The following NLGN1 variants were observed in gnomAD, a reference collection of about 807,000 sequenced individuals.
The protein encoded by NLGN1 is neuroligin 1, also known as neuroligin-1.
NLGN1 carries 12 observed loss-of-function variants against 65.5 expected under a neutral mutation model. The observed-to-expected ratio is 0.18, with a 90% confidence interval of 0.12 to 0.30. NLGN1 has a LOEUF of 0.30. Ranked by LOEUF, NLGN1 falls within the 10% of genes least tolerant of loss-of-function variation. The pLI is 1.00. For missense variants in NLGN1, 750 were observed against 1,007.1 expected (o/e 0.74, Z 3.46); for synonymous variants, 350 against 359.5 (o/e 0.97, Z 0.30).
At chr3:173,535,698 G>A (rs914271653) in intron 2 of NLGN1, among the ~76,000 whole-genome samples, 22 of 151,986 alleles carry the variant, frequency 1.4e-4, no homozygotes, top group Admixed American at 3.3e-4. Context: ...TTTTAATAAT[G>A]GATTTATACA....
chr3:173,748,259 A>AT (rs1416569172), intron 3 of NLGN1, among the ~76,000 whole-genome samples: 1 of 152,130 alleles, frequency 6.6e-6, no homozygotes, highest in East Asian at 1.9e-4. Context: ...TGGAAGATAG[A>AT]TAACAGTTGA....
intron 4 of NLGN1, among the ~76,000 whole-genome samples, chr3:174,085,459 A>G (rs533252385): frequency 6.6e-6 from 1 of 152,026 alleles, no homozygotes; most frequent in Non-Finnish European, 1.5e-5. Flanking sequence ...ATTCTTACCC[A>G]TTAGTCTTAT....
intron 2 of NLGN1, among the ~76,000 whole-genome samples, chr3:173,547,449 C>T (rs370158606): frequency 6.6e-6 from 1 of 152,086 alleles, no homozygotes; most frequent in Non-Finnish European, 1.5e-5. Context: ...GCCTGGGTTT[C>T]CCTGAAGGGT....
chr3:173,658,076 G>T (rs1057490913), intron 3 of NLGN1, among the ~76,000 whole-genome samples: 1 of 151,884 alleles, frequency 6.6e-6, no homozygotes, highest in African/African-American at 2.4e-5. Flanking sequence ...TGTAACTTTC[G>T]TATGGTAGTT....
rs762439206 is a variant in NLGN1, at chr3:173,685,823, T to C, written c.493+80732T>C. The stretch of plus-strand genomic sequence containing the variant: ...ACAATGAGAGGGTTGAATGTGAATA[T>C]GGAGATATCATTTACTATTCTTCAA... On this transcript the variant is annotated intron_variant, in intron 3 of 6. Transcript: ENST00000457714. 796 of 982,024 alleles carry C rather than the reference T, an allele frequency of 8.1e-4. 1 individual carries two copies. Among genetic ancestry groups the C allele is most frequent in the Non-Finnish European group, 8.8e-4 (728 of 826,932 alleles). 60.8% of individuals were successfully genotyped at this position (982,024 alleles called of 1,614,324 possible). A position where few individuals can be genotyped will look rare whatever the true frequency, so the allele number is the denominator to read the frequency against.
At chr3:173,498,483 T>A (rs1008677636) in intron 2 of NLGN1, among the ~76,000 whole-genome samples, 4 of 151,864 alleles carry the variant, frequency 2.6e-5, no homozygotes, top group South Asian at 4.1e-4. Context: ...TTCCAAGTCT[T>A]TACTATTGTG....
At chr3:173,820,752 G>T (rs1219372674) in intron 4 of NLGN1, among the ~76,000 whole-genome samples, 1 of 152,114 alleles carries the variant, frequency 6.6e-6, no homozygotes, top group Non-Finnish European at 1.5e-5. Context: ...TTGACCAGAG[G>T]TAACCGGAGA....
At chr3:174,021,608 T>C (rs1422580527) in intron 4 of NLGN1, among the ~76,000 whole-genome samples, 2 of 152,032 alleles carry the variant, frequency 1.3e-5, no homozygotes, top group Non-Finnish European at 2.9e-5. Context: ...AGAAAGGCAG[T>C]TCCTCTCTGT....
In NLGN1 at chr3:173,804,281, G is replaced by GAGTT. The variant is rs1716131473; in HGVS notation, c.494-3395_494-3392dup. On this transcript the variant is annotated intron_variant, in intron 3 of 6. Transcript: ENST00000457714. ...AAACATTTGTACTTTTACTGGAACT[G>GAGTT]AGTTAGTATTTTAAAATTTCTGAGT... 2.0e-5 allele frequency among the ~76,000 whole-genome samples: 3 copies of GAGTT among 152,060 alleles called. No individual in the cohort carries two copies. In the South Asian group the frequency reaches 6.2e-4, roughly 32 times the overall value.
At chr3:173,591,229 T>C (rs951897720) in intron 2 of NLGN1, among the ~76,000 whole-genome samples, 1 of 152,214 alleles carries the variant, frequency 6.6e-6, no homozygotes, top group Non-Finnish European at 1.5e-5. Flanking sequence ...TATATTGATA[T>C]ACTATTTGTG....
At chr3:173,980,438 A>G (rs1253945085) in intron 4 of NLGN1, among the ~76,000 whole-genome samples, 1 of 152,040 alleles carries the variant, frequency 6.6e-6, no homozygotes, top group Admixed American at 6.6e-5. Context: ...ACTGCAGAAA[A>G]TGTCACTGGG....
intron 2 of NLGN1, among the ~76,000 whole-genome samples, chr3:173,504,129 A>C (rs1481934515): frequency 6.6e-6 from 1 of 152,104 alleles, no homozygotes; most frequent in Non-Finnish European, 1.5e-5. Context: ...GAAGATTTAG[A>C]AAAATGTCAA....
intron 4 of NLGN1, among the ~76,000 whole-genome samples, chr3:174,090,473 AAAAAAAG>A (rs1744304777): frequency 2.0e-5 from 3 of 152,212 alleles, no homozygotes; most frequent in Admixed American, 6.5e-5. Context: ...ACTCTGTCTC[AAAAAAAG>A]AAAAAAGAAA....
chr3:173,675,880 C>G (rs1410079894), intron 3 of NLGN1, among the ~76,000 whole-genome samples: 1 of 140,464 alleles, frequency 7.1e-6, no homozygotes, highest in Non-Finnish European at 1.6e-5. Context: ...CTCTCTCTCT[C>G]TCTCTCTCAC....
chr3:173,657,707 C>G (rs1386964473), intron 3 of NLGN1, among the ~76,000 whole-genome samples: 1 of 151,662 alleles, frequency 6.6e-6, no homozygotes, highest in African/African-American at 2.4e-5. Context: ...ATCATCCCAC[C>G]CACTCCAAAG....
intron 4 of NLGN1, among the ~76,000 whole-genome samples, chr3:174,018,547 C>T (rs1038700464): frequency 7.2e-5 from 11 of 152,168 alleles, no homozygotes; most frequent in Admixed American, 3.3e-4. Context: ...TGGCTTCAGC[C>T]GGTCCCTTCG....
At chr3:173,911,178 A>C (rs1006743850) in intron 4 of NLGN1, among the ~76,000 whole-genome samples, 1 of 152,182 alleles carries the variant, frequency 6.6e-6, no homozygotes. Flanking sequence ...AAAATGTACT[A>C]ATTTTTGAAA....
intron 4 of NLGN1, among the ~76,000 whole-genome samples, chr3:174,131,268 CT>C (rs1720125891): frequency 6.6e-6 from 1 of 152,082 alleles, no homozygotes; most frequent in East Asian, 1.9e-4. Flanking sequence ...CAATAATAGA[CT>C]TTTTATGTAT....
chr3:173,858,169 A>G (rs1313696637), intron 4 of NLGN1, among the ~76,000 whole-genome samples: 1 of 152,154 alleles, frequency 6.6e-6, no homozygotes, highest in Non-Finnish European at 1.5e-5. Flanking sequence ...GCATCTTCAC[A>G]TGCACAGTGA....
Sources: gnomAD v4.1 joint callset for allele counts (sites outside exome capture counted in the v4.1 genomes callset) on GRCh38, gnomAD v4.1.1 for gene constraint, MANE v1.5 for transcripts, NCBI Gene and HGNC (gene_info 2026-07-23, HGNC 2026-07-21) for gene names.